Variants in EXOC4 observed in about 807,000 individuals in gnomAD.
EXOC4 encodes the protein exocyst complex component 4, also known as SEC8-like 1.
EXOC4 carries 71 observed loss-of-function variants against 107.2 expected under a neutral mutation model. That is an observed-to-expected ratio of 0.66 (90% CI 0.55 to 0.81). The LOEUF (loss-of-function observed/expected upper bound fraction) is 0.81. EXOC4 is among the 30% of genes least tolerant of loss of function. EXOC4 has a pLI of 0.00. For missense variants in EXOC4, 1,108 were observed against 1,189.6 expected (o/e 0.93, Z 1.01); for synonymous variants, 456 against 441.2 (o/e 1.03, Z -0.42).
At chr7:134,028,290 A>C (rs1407237073) in intron 17 of EXOC4, among the ~76,000 whole-genome samples, 1 of 152,256 alleles carries the variant, frequency 6.6e-6, no homozygotes, top group Non-Finnish European at 1.5e-5. Flanking sequence ...AAGTAAATGC[A>C]GAAAGATTAT....
At chr7:134,062,541 G>A (rs1009149775) in intron 17 of EXOC4, among the ~76,000 whole-genome samples, 12 of 152,176 alleles carry the variant, frequency 7.9e-5, no homozygotes, top group African/African-American at 2.9e-4. Flanking sequence ...TGCTAGGTCT[G>A]GAAGATTGCT....
At chr7:133,746,107 C>T (rs1238205009) in intron 10 of EXOC4, among the ~76,000 whole-genome samples, 1 of 152,086 alleles carries the variant, frequency 6.6e-6, no homozygotes, top group African/African-American at 2.4e-5. Flanking sequence ...AAAAATTTCT[C>T]ATATTACATG....
intron 3 of EXOC4, among the ~76,000 whole-genome samples, chr7:133,290,668 A>G (rs1432878105): frequency 6.6e-6 from 1 of 152,178 alleles, no homozygotes; most frequent in Non-Finnish European, 1.5e-5. Context: ...TTTTTGTGTT[A>G]CGGTCTTTGT....
intron 6 of EXOC4, among the ~76,000 whole-genome samples, chr7:133,373,976 A>G (rs1048316959): frequency 1.3e-5 from 2 of 152,186 alleles, no homozygotes; most frequent in Admixed American, 1.3e-4. Flanking sequence ...AGCAGACAAA[A>G]GAGTATACAA....
chr7:133,948,452 G>T (rs1800605221), intron 14 of EXOC4, among the ~76,000 whole-genome samples: 1 of 152,204 alleles, frequency 6.6e-6, no homozygotes, highest in Admixed American at 6.5e-5. Flanking sequence ...CCATTACTTG[G>T]TGGGATTGAT....
intron 17 of EXOC4, among the ~76,000 whole-genome samples, chr7:134,017,807 G>A (rs867514730): frequency 2.0e-5 from 3 of 152,274 alleles, no homozygotes; most frequent in Middle Eastern, 3.4e-3. Context: ...TCATGTGTGA[G>A]GCTTTGATTA....
intron 9 of EXOC4, among the ~76,000 whole-genome samples, chr7:133,586,887 A>G (rs1021465776): frequency 1.3e-5 from 2 of 151,874 alleles, no homozygotes; most frequent in East Asian, 3.9e-4. Context: ...CTGGAGTGTA[A>G]TGGTGCGATC....
intron 10 of EXOC4, among the ~76,000 whole-genome samples, chr7:133,643,784 T>C (rs1014089395): frequency 6.6e-6 from 1 of 152,204 alleles, no homozygotes; most frequent in Non-Finnish European, 1.5e-5. Flanking sequence ...TGCAAGTGTA[T>C]ACATACACAA....
At chr7:134,050,963 G>A (rs781420861) in intron 17 of EXOC4, among the ~76,000 whole-genome samples, 2 of 152,078 alleles carry the variant, frequency 1.3e-5, no homozygotes, top group East Asian at 1.9e-4. Flanking sequence ...TAGGATCTGT[G>A]ATAGTGAGAT....
intron 7 of EXOC4, among the ~76,000 whole-genome samples, chr7:133,471,151 C>A (rs1798866800): frequency 6.6e-6 from 1 of 152,146 alleles, no homozygotes; most frequent in African/African-American, 2.4e-5. Context: ...CTGGCTCACA[C>A]CTGTAATTCT....
chr7:133,862,088 G>A (rs2346265), intron 11 of EXOC4, among the ~76,000 whole-genome samples: 152,221 of 152,222 alleles, frequency 1, 76,110 homozygotes, highest in Non-Finnish European at 1. Flanking sequence ...CTAGCTTTGG[G>A]AGCATTCCCA....
chr7:133,765,680 C>T (rs1323175946), intron 10 of EXOC4, among the ~76,000 whole-genome samples: 1 of 151,958 alleles, frequency 6.6e-6, no homozygotes, highest in Non-Finnish European at 1.5e-5. Flanking sequence ...CTTTTTTCTG[C>T]ATTAATCGCC....
At chr7:133,540,749 CTT>C (rs925059343) in intron 9 of EXOC4, among the ~76,000 whole-genome samples, 41 of 152,284 alleles carry the variant, frequency 2.7e-4, no homozygotes, top group African/African-American at 9.6e-4. Context: ...ACCTGATAGA[CTT>C]TGCCAGTTTT....
intron 10 of EXOC4, among the ~76,000 whole-genome samples, chr7:133,731,602 G>A (rs1795327829): frequency 6.6e-6 from 1 of 152,148 alleles, no homozygotes; most frequent in Non-Finnish European, 1.5e-5. Flanking sequence ...ATACAGTGGA[G>A]TAGCATGGAA....
chr7:133,561,380 T>C (rs1434277524), intron 9 of EXOC4, among the ~76,000 whole-genome samples: 6 of 152,226 alleles, frequency 3.9e-5, no homozygotes, highest in Non-Finnish European at 8.8e-5. Context: ...CCAGTGTTTT[T>C]CTAAGCCCCT....
At chr7:133,938,905 C>T (rs767325863) in intron 14 of EXOC4, among the ~76,000 whole-genome samples, 2 of 152,190 alleles carry the variant, frequency 1.3e-5, no homozygotes, top group African/African-American at 2.4e-5. Flanking sequence ...TGGGTTAAAG[C>T]GATTCTCATG....
At chr7:133,970,392 TG>T (rs1198219107) in intron 14 of EXOC4, among the ~76,000 whole-genome samples, 1 of 151,168 alleles carries the variant, frequency 6.6e-6, no homozygotes, top group Non-Finnish European at 1.5e-5. Context: ...CACTGTGGTA[TG>T]AAAAAAAAAA....
intron 9 of EXOC4, among the ~76,000 whole-genome samples, chr7:133,502,504 T>G (rs1409552061): frequency 6.6e-6 from 1 of 151,952 alleles, no homozygotes; most frequent in African/African-American, 2.4e-5. Context: ...AAAGAGAGCT[T>G]CTTTTCTAAA....
chr7:133,392,505 G>A (rs764812291), intron 7 of EXOC4, among the ~76,000 whole-genome samples: 9 of 152,112 alleles, frequency 5.9e-5, no homozygotes, highest in African/African-American at 2.2e-4. Context: ...GATATATCTA[G>A]TAACCTAACA....
Sources: gnomAD v4.1 joint callset for allele counts (sites outside exome capture counted in the v4.1 genomes callset) on GRCh38, gnomAD v4.1.1 for gene constraint, MANE v1.5 for transcripts, NCBI Gene and HGNC (gene_info 2026-07-23, HGNC 2026-07-21) for gene names.